Variants in FNDC3A observed in about 807,000 individuals in gnomAD.
FNDC3A encodes fibronectin type III domain containing 3A, also known as fibronectin type-III domain-containing protein 3A.
A neutral mutation model predicts 148.9 loss-of-function variants in FNDC3A; 32 were observed. That is an observed-to-expected ratio of 0.21 (90% CI 0.16 to 0.29). The LOEUF is 0.29. Ranked by LOEUF, FNDC3A falls within the 10% of genes least tolerant of loss-of-function variation. The probability of loss-of-function intolerance (pLI) is 1.00; values close to 1 mark genes in which losing one functional copy is unlikely to be tolerated. For synonymous variants in FNDC3A, 472 were observed against 473.6 expected (o/e 1.00, Z 0.04); for missense variants, 1,191 against 1,452.8 (o/e 0.82, Z 2.93).
chr13:49,022,076 A>G (rs1415064660), intron 2 of FNDC3A, among the ~76,000 whole-genome samples: 2 of 152,202 alleles, frequency 1.3e-5, no homozygotes, highest in African/African-American at 4.8e-5. Context: ...GAAATTTACA[A>G]TGAATAAACC....
intron 3 of FNDC3A, among the ~76,000 whole-genome samples, chr13:49,102,606 A>G (rs1278614378): frequency 6.6e-6 from 1 of 152,190 alleles, no homozygotes; most frequent in African/African-American, 2.4e-5. Context: ...CGTGGTCACT[A>G]CATTCAAGGA....
chr13:49,158,246 G>A (rs978347592), intron 8 of FNDC3A, among the ~76,000 whole-genome samples: 6 of 152,160 alleles, frequency 3.9e-5, no homozygotes, highest in Admixed American at 6.5e-5. Context: ...TAAGCCGGTC[G>A]GAGAAGCGCA....
chr13:49,122,401 G>T (rs1881411683), intron 4 of FNDC3A, among the ~76,000 whole-genome samples: 1 of 152,120 alleles, frequency 6.6e-6, no homozygotes, highest in South Asian at 2.1e-4. Context: ...CATACTGAAT[G>T]GGCAAAAGCT....
At chr13:49,118,944 C>T (rs186662316) in intron 4 of FNDC3A, among the ~76,000 whole-genome samples, 106 of 152,342 alleles carry the variant, frequency 7.0e-4, no homozygotes, top group South Asian at 1.0e-3. Context: ...CAGACGTAAA[C>T]GTTCCTGCCT....
At chr13:49,179,570 C>G (rs1885204585) in intron 14 of FNDC3A, among the ~76,000 whole-genome samples, 3 of 152,036 alleles carry the variant, frequency 2.0e-5, no homozygotes, top group Non-Finnish European at 4.4e-5. Context: ...AAAATTTTAT[C>G]ATTTTTTCTA....
chr13:49,168,478 T>TA (rs1429430854), intron 9 of FNDC3A, 135 bp from the exon 10 acceptor site: 3 of 541,976 alleles, frequency 5.5e-6, no homozygotes, highest in Non-Finnish European at 9.4e-6. Flanking sequence ...GGTCACCTTT[T>TA]ACTTCTAATA....
intron 25 of FNDC3A, among the ~76,000 whole-genome samples, chr13:49,203,832 T>C (rs1886526406): frequency 6.6e-6 from 1 of 151,948 alleles, no homozygotes; most frequent in Non-Finnish European, 1.5e-5. Context: ...TATGACTGGA[T>C]GGAGAGAGCA....
At position 49,136,319 on chromosome 13, in the gene FNDC3A, TA is replaced by T. The variant is rs2137939727; in HGVS notation, c.491-12del. ...AGTGATCTTCTTAACATTTTGTTTT[TA>T]TTGCCTCCTAGATGCTCACTCTACA... On this transcript the variant is annotated splice_polypyrimidine_tract_variant and intron_variant, in intron 5 of 25. Transcript: ENST00000492622. 6.3e-7 allele frequency: 1 copy of T among 1,598,344 alleles called. No individual in the cohort carries two copies. Among genetic ancestry groups the T allele is most frequent in the African/African-American group, 1.3e-5 (1 of 74,404 alleles).
At chr13:49,150,671 G>A (rs1386371948) in intron 8 of FNDC3A, among the ~76,000 whole-genome samples, 1 of 151,972 alleles carries the variant, frequency 6.6e-6, no homozygotes, top group Non-Finnish European at 1.5e-5. Flanking sequence ...TTGAGGCCGG[G>A]CACGGTGGCT....
intron 17 of FNDC3A, among the ~76,000 whole-genome samples, chr13:49,189,268 C>G (rs185426405): frequency 1.6e-4 from 25 of 152,068 alleles, no homozygotes; most frequent in Admixed American, 1.0e-3. Flanking sequence ...TCTGCAACCT[C>G]TGCCTCCTGG....
intron 2 of FNDC3A, among the ~76,000 whole-genome samples, chr13:49,054,905 TTC>T (rs1282794149): frequency 1.3e-5 from 2 of 152,202 alleles, no homozygotes; most frequent in Non-Finnish European, 2.9e-5. Flanking sequence ...CTCTACTTTT[TTC>T]TCTTTTTCTA....
chr13:48,990,491 C>A (rs1308404450), intron 1 of FNDC3A, among the ~76,000 whole-genome samples: 1 of 148,102 alleles, frequency 6.8e-6, no homozygotes, highest in Non-Finnish European at 1.5e-5. Context: ...GTGGCTCGTG[C>A]CTGTAATCCC....
intron 8 of FNDC3A, among the ~76,000 whole-genome samples, chr13:49,160,030 T>C (rs1434335368): frequency 6.6e-6 from 1 of 152,190 alleles, no homozygotes; most frequent in Non-Finnish European, 1.5e-5. Context: ...CAGTATTTTA[T>C]TGAGGATTTT....
intron 14 of FNDC3A, among the ~76,000 whole-genome samples, chr13:49,179,785 C>T (rs1301002748): frequency 1.3e-5 from 2 of 152,176 alleles, no homozygotes; most frequent in East Asian, 3.8e-4. Flanking sequence ...TGAGCCCTTC[C>T]TTTCTGGCAC....
At chr13:49,134,979 G>A (rs1036732069) in intron 5 of FNDC3A, among the ~76,000 whole-genome samples, 8 of 148,904 alleles carry the variant, frequency 5.4e-5, no homozygotes, top group East Asian at 2.0e-4. Context: ...CCTCAGCCTC[G>A]CGAATAGCTG....
intron 2 of FNDC3A, among the ~76,000 whole-genome samples, chr13:49,070,142 A>T (rs985719862): frequency 2.6e-5 from 4 of 151,922 alleles, no homozygotes; most frequent in African/African-American, 9.7e-5. Context: ...TTATTTATTT[A>T]TTTTTTTGAG....
intron 17 of FNDC3A, among the ~76,000 whole-genome samples, chr13:49,189,546 GGT>G (rs1491573769): frequency 6.6e-6 from 1 of 151,610 alleles, no homozygotes; most frequent in African/African-American, 2.4e-5. Context: ...ATAATTGCTG[GGT>G]TTTTTTTTTG....
intron 7 of FNDC3A, among the ~76,000 whole-genome samples, chr13:49,143,720 G>A (rs1234548699): frequency 6.6e-6 from 1 of 152,076 alleles, no homozygotes; most frequent in African/African-American, 2.4e-5. Flanking sequence ...TTTTGTTGAT[G>A]AGGCCTAGAA....
Position 49,126,277 on chromosome 13 carries a change from T to TG in FNDC3A, c.253-4860_253-4859insG, listed in dbSNP as rs1179138551. 6.5e-5 allele frequency among the ~76,000 whole-genome samples: 8 copies of TG among 122,262 alleles called. No individual in the cohort carries two copies. In the East Asian group the frequency reaches 3.2e-3, roughly 49 times the overall value. The allele number at this position is 122,262 out of a possible 152,430, so 80.2% of individuals were successfully genotyped here. Reference sequence around the variant, plus strand: ...GGTTTGGGGGTTTTTTTTGTTTGTTTTTTTAATTGTGGTAAAACACACATA... The same window carrying TG: ...GGTTTGGGGGTTTTTTTTGTTTGTTTGTTTTAATTGTGGTAAAACACACATA... On this transcript the variant is annotated intron_variant, in intron 4 of 25. Transcript: ENST00000492622.
Sources: allele counts gnomAD v4.1 joint callset (sites outside exome capture counted in the v4.1 genomes callset), GRCh38; gene constraint gnomAD v4.1.1; transcripts MANE v1.5; gene names NCBI Gene and HGNC (gene_info 2026-07-23, HGNC 2026-07-21).